The following CADPS2 variants were observed in gnomAD, a reference collection of about 807,000 sequenced individuals.
CADPS2 encodes calcium-dependent secretion activator 2.
Under a neutral mutation model 172.5 loss-of-function variants are expected in CADPS2, and 93 were observed. The observed-to-expected ratio is 0.54, with a 90% CI of 0.46 to 0.64. The LOEUF is 0.64. Among genes scored for constraint, CADPS2 ranks in the 30% least tolerant of loss-of-function variants. The pLI is 0.00. For synonymous variants in CADPS2, 546 were observed against 555.2 expected, an observed-to-expected ratio of 0.98 and a Z score of 0.23; for missense variants, 1,420 against 1,565.9, an observed-to-expected ratio of 0.91 and a Z score of 1.57.
chr7:122,387,018 C>T lies in CADPS2; in HGVS notation c.3312+8G>A. ...GCTGCCTTTCCCCATGTGGCACATT[C>T]TACATACCTCTTGTCCTCCATCCAG... On this transcript the variant is annotated splice_region_variant and intron_variant, in intron 24 of 29. Transcript: ENST00000449022. The T allele has an allele frequency of 6.4e-7, 1 of 1,553,766 alleles. No individual in the cohort carries two copies.
intron 1 of CADPS2, among the ~76,000 whole-genome samples, chr7:122,837,599 C>T (rs1808919417): frequency 6.6e-6 from 1 of 152,120 alleles, no homozygotes; most frequent in Non-Finnish European, 1.5e-5. Flanking sequence ...AAGAGGATAT[C>T]ACCACCGATC....
intron 7 of CADPS2, among the ~76,000 whole-genome samples, chr7:122,571,916 TA>T (rs1392031670): frequency 6.6e-6 from 1 of 152,178 alleles, no homozygotes; most frequent in African/African-American, 2.4e-5. Context: ...TTTTATTGAA[TA>T]ATTAACTATA....
intron 15 of CADPS2, among the ~76,000 whole-genome samples, chr7:122,444,342 G>A (rs2051821090): frequency 6.6e-6 from 1 of 152,012 alleles, no homozygotes; most frequent in South Asian, 2.1e-4. Flanking sequence ...GGAATGGCTG[G>A]GTCATATGAT....
chr7:122,820,510 T>C (rs1186917802), intron 1 of CADPS2, among the ~76,000 whole-genome samples: 1 of 147,074 alleles, frequency 6.8e-6, no homozygotes, highest in African/African-American at 2.5e-5. Flanking sequence ...CCACACCCTG[T>C]AGCCTTTCTG....
intron 24 of CADPS2, among the ~76,000 whole-genome samples, chr7:122,380,477 T>G (rs1305209095): frequency 1.3e-5 from 2 of 152,074 alleles, no homozygotes; most frequent in East Asian, 1.9e-4. Flanking sequence ...TTTTTTTTTT[T>G]TGTGCTGAAA....
At chr7:122,428,990 G>A (rs561961935) in intron 17 of CADPS2, among the ~76,000 whole-genome samples, 1 of 152,150 alleles carries the variant, frequency 6.6e-6, no homozygotes, top group Non-Finnish European at 1.5e-5. Context: ...GACATTTTCT[G>A]AGAAAACAAA....
chr7:122,874,120 TC>T (rs1183349581), intron 1 of CADPS2, among the ~76,000 whole-genome samples: 4 of 152,202 alleles, frequency 2.6e-5, no homozygotes, highest in Admixed American at 2.6e-4. Context: ...GCCTGTTCAC[TC>T]TGATGATAGT....
chr7:122,848,920 C>T (rs1163697800), intron 1 of CADPS2, among the ~76,000 whole-genome samples: 1 of 151,916 alleles, frequency 6.6e-6, no homozygotes, highest in African/African-American at 2.4e-5. Context: ...AAAAAAAATG[C>T]TCCTGAAGTA....
intron 9 of CADPS2, among the ~76,000 whole-genome samples, chr7:122,507,485 CTAAT>C (rs1383305956): frequency 6.6e-6 from 1 of 152,058 alleles, no homozygotes; most frequent in Admixed American, 6.6e-5. Flanking sequence ...TCTTGGCACT[CTAAT>C]TAATCTGAGG....
chr7:122,698,995 A>G lies in CADPS2; in HGVS notation c.454-35426T>C. 5.5e-6 allele frequency: 6 copies of G among 1,095,102 alleles called. No homozygotes were observed. The South Asian group carries it at 1.0e-4, about 19-fold the overall frequency. 67.8% of individuals were successfully genotyped at this position (1,095,102 alleles called of 1,614,324 possible). ...TGACAATTAATTTAAAATAACGAAG[A>G]GAAAAAAATCTTCAGGATACAAACA... On this transcript the variant is annotated intron_variant, in intron 2 of 29. Coordinates refer to ENST00000449022, the MANE Select transcript of CADPS2 (RefSeq NM_017954.11).
At chr7:122,598,556 G>A (rs899414604) in intron 6 of CADPS2, among the ~76,000 whole-genome samples, 12 of 152,030 alleles carry the variant, frequency 7.9e-5, no homozygotes, top group African/African-American at 2.9e-4. Flanking sequence ...ATTATGTAGT[G>A]GGTGGAAATT....
intron 1 of CADPS2, among the ~76,000 whole-genome samples, chr7:122,780,436 A>G (rs921492664): frequency 4.6e-5 from 7 of 152,198 alleles, no homozygotes. Context: ...TACTGTTTTT[A>G]AAAAGGTGGG....
intron 22 of CADPS2, 104 bp downstream of exon 22, chr7:122,393,092 C>A: frequency 2.3e-6 from 3 of 1,297,256 alleles, no homozygotes; most frequent in Non-Finnish European, 2.1e-6. Flanking sequence ...TATTCCTCAA[C>A]CAACGATGAC....
At position 122,584,151 on chromosome 7, in the gene CADPS2, A is replaced by AT. The variant is rs2069286515; in HGVS notation, c.1224-2862dup. On this transcript the variant is annotated intron_variant, in intron 6 of 29. Coordinates refer to ENST00000449022, the MANE Select transcript of CADPS2 (RefSeq NM_017954.11). ...TATTGCATAAGTTGAAAAGTGCTAT[A>AT]TTTTTATTATCTGAAAGAGTTTGTC... Among the ~76,000 whole-genome samples, 3 of 151,654 alleles carry AT rather than the reference A, an allele frequency of 2.0e-5. No homozygotes were observed. In the South Asian group the frequency reaches 6.3e-4, roughly 32 times the overall value.
At chr7:122,400,529 A>G (rs1179830965) in intron 20 of CADPS2, among the ~76,000 whole-genome samples, 1 of 152,206 alleles carries the variant, frequency 6.6e-6, no homozygotes, top group Non-Finnish European at 1.5e-5. Flanking sequence ...AACTGAGGGG[A>G]AAAAGGTAGT....
At chr7:122,442,270 C>A (rs1223309546) in intron 15 of CADPS2, among the ~76,000 whole-genome samples, 1 of 152,116 alleles carries the variant, frequency 6.6e-6, no homozygotes, top group African/African-American at 2.4e-5. Context: ...TTGCTCTTTA[C>A]CAGGGGGTCC....
Position 122,886,358 on chromosome 7 carries a change from G to C in CADPS2, c.-21C>G. 1 of 1,488,302 alleles carries C rather than the reference G, an allele frequency of 6.7e-7. No individual in the cohort carries two copies. Among genetic ancestry groups the C allele is most frequent in the Non-Finnish European group, 8.9e-7 (1 of 1,127,972 alleles). The allele number at this position is 1,488,302 out of a possible 1,614,324, so 92.2% of individuals were successfully genotyped here. ...AGCATGGTGCTCGGGGATCCCCGCCGCTCGGCCCGCGGTCCCCAAGCGCCT... is the reference window on the plus strand; with the variant it reads ...AGCATGGTGCTCGGGGATCCCCGCCCCTCGGCCCGCGGTCCCCAAGCGCCT... On this transcript the variant is annotated 5_prime_UTR_variant, in exon 1 of 30. Transcript: ENST00000449022.
At chr7:122,876,321 AAAAAT>A (rs569666990) in intron 1 of CADPS2, among the ~76,000 whole-genome samples, 258 of 152,308 alleles carry the variant, frequency 1.7e-3, no homozygotes, top group Non-Finnish European at 1.8e-3. Context: ...CTTTGTGTCA[AAAAAT>A]AAAATAAAAT....
chr7:122,462,442 AG>A (rs1367163880), intron 14 of CADPS2, among the ~76,000 whole-genome samples: 7 of 152,170 alleles, frequency 4.6e-5, no homozygotes, highest in Non-Finnish European at 8.8e-5. Context: ...ATAGAACATG[AG>A]CCAAAAAAGA....
Sources: allele counts gnomAD v4.1 joint callset (sites outside exome capture counted in the v4.1 genomes callset), GRCh38; gene constraint gnomAD v4.1.1; transcripts MANE v1.5; gene names NCBI Gene and HGNC (gene_info 2026-07-23, HGNC 2026-07-21).